Variants in CHCHD3 observed in about 807,000 individuals in gnomAD.
The protein encoded by CHCHD3 is coiled-coil-helix-coiled-coil-helix domain containing 3.
CHCHD3 carries 20 observed loss-of-function variants against 38.2 expected under a neutral mutation model. The ratio of observed to expected loss-of-function variants is 0.52; its 90% CI spans 0.37 to 0.76. CHCHD3 has a LOEUF of 0.76. Ranked by LOEUF, CHCHD3 falls within the 30% of genes least tolerant of loss-of-function variation. The pLI is 0.00. For missense variants in CHCHD3, 245 were observed against 279.2 expected, an observed-to-expected ratio of 0.88 and a Z score of 0.87; for synonymous variants, 82 against 100.0, an observed-to-expected ratio of 0.82 and a Z score of 1.07.
intron 3 of CHCHD3, among the ~76,000 whole-genome samples, chr7:132,992,495 C>T (rs576558191): frequency 6.6e-6 from 1 of 152,320 alleles, no homozygotes; most frequent in Admixed American, 6.5e-5. Flanking sequence ...ATCTGAGATA[C>T]TGTGGAGCTG....
At chr7:132,945,994 T>C (rs941257566) in intron 4 of CHCHD3, among the ~76,000 whole-genome samples, 10 of 151,912 alleles carry the variant, frequency 6.6e-5, no homozygotes, top group Non-Finnish European at 1.2e-4. Context: ...ACTATCTGTA[T>C]GCACACTGTC....
chr7:132,971,434 C>A (rs1418747378), intron 4 of CHCHD3, among the ~76,000 whole-genome samples: 1 of 152,140 alleles, frequency 6.6e-6, no homozygotes, highest in African/African-American at 2.4e-5. Flanking sequence ...CCAGCTAAAG[C>A]AATTCTTCCA....
intron 6 of CHCHD3, 71 bp downstream of exon 6, chr7:132,838,328 C>A: frequency 9.4e-7 from 1 of 1,066,300 alleles, no homozygotes; most frequent in South Asian, 1.4e-5. Flanking sequence ...ATGATCTGTG[C>A]AAAAAGCACT....
chr7:133,070,048 GA>G lies in CHCHD3; in HGVS notation c.169+93del, dbSNP rs1000296356. The G allele has an allele frequency of 5.1e-5, 43 of 842,910 alleles. No individual in the cohort carries two copies. The African/African-American group carries it at 7.1e-4, about 14-fold the overall frequency. The allele number at this position is 842,910 out of a possible 1,614,324, so 52.2% of individuals were successfully genotyped here. A position where few individuals can be genotyped will look rare whatever the true frequency, so the allele number is the denominator to read the frequency against. On this transcript the variant is annotated intron_variant, in intron 2 of 7. Coordinates refer to ENST00000262570, the MANE Select transcript of CHCHD3 (RefSeq NM_017812.4). ...ATTAAAAGCTAAACATCTAAATAAC[GA>G]AAGACAGAATGCTAGAGAACTTGAC...
In CHCHD3 at chr7:132,985,202, G is replaced by A; in HGVS notation, c.252-9916C>T. Among the ~76,000 whole-genome samples the A allele has an allele frequency of 2.4e-5, 2 of 83,222 alleles. 1 individual carries two copies. Among genetic ancestry groups the A allele is most frequent in the South Asian group, 7.9e-4 (2 of 2,536 alleles). 54.6% of individuals were successfully genotyped at this position (83,222 alleles called of 152,430 possible). A position where few individuals can be genotyped will look rare whatever the true frequency, so the allele number is the denominator to read the frequency against. On this transcript the variant is annotated intron_variant, in intron 3 of 7. Coordinates refer to ENST00000262570, the MANE Select transcript of CHCHD3 (RefSeq NM_017812.4). Reference sequence around the variant, plus strand: ...GCCGCCCCGTCCGGAAGGGAGGTGGGGGGGTTAGCCCCCCGCCCGGCCAGC... The same window carrying A: ...GCCGCCCCGTCCGGAAGGGAGGTGGAGGGGTTAGCCCCCCGCCCGGCCAGC...
chr7:132,928,866 T>C (rs1810447708), intron 4 of CHCHD3, among the ~76,000 whole-genome samples: 1 of 152,082 alleles, frequency 6.6e-6, no homozygotes, highest in Admixed American at 6.5e-5. Context: ...TGAAGCAGGG[T>C]TCTCCTTCTC....
At chr7:132,974,230 C>A (rs1334422013) in intron 4 of CHCHD3, among the ~76,000 whole-genome samples, 2 of 152,304 alleles carry the variant, frequency 1.3e-5, no homozygotes, top group East Asian at 3.9e-4. Flanking sequence ...AAAACACACA[C>A]TGGTGTAAAC....
At chr7:132,990,951 TACACAC>T (rs768136991) in intron 3 of CHCHD3, among the ~76,000 whole-genome samples, 35 of 143,790 alleles carry the variant, frequency 2.4e-4, no homozygotes, top group Admixed American at 1.4e-4. Flanking sequence ...CAGACACACA[TACACAC>T]ACACACACAC....
chr7:133,015,661 A>AAGT (rs1317579318), intron 3 of CHCHD3, among the ~76,000 whole-genome samples: 1 of 152,224 alleles, frequency 6.6e-6, no homozygotes, highest in Non-Finnish European at 1.5e-5. Context: ...TCCACACAGA[A>AAGT]AGTAATACTG....
At chr7:132,848,392 G>A (rs4728267) in intron 5 of CHCHD3, among the ~76,000 whole-genome samples, 79,997 of 151,974 alleles carry the variant, frequency 0.53, 21,176 homozygotes, top group South Asian at 0.59. Context: ...AGAGTTAAGC[G>A]CTTGGGGACC....
At chr7:132,881,302 T>A (rs1809050259) in intron 5 of CHCHD3, among the ~76,000 whole-genome samples, 1 of 152,140 alleles carries the variant, frequency 6.6e-6, no homozygotes, top group Non-Finnish European at 1.5e-5. Flanking sequence ...AATTATCTAA[T>A]TAACAAGCAG....
chr7:132,816,606 G>A (rs961557675), intron 6 of CHCHD3, among the ~76,000 whole-genome samples: 1 of 152,120 alleles, frequency 6.6e-6, no homozygotes, highest in Non-Finnish European at 1.5e-5. Context: ...CGAGAGCAGG[G>A]CTTCCCAGGC....
chr7:132,943,429 C>T (rs2117274380), intron 4 of CHCHD3, among the ~76,000 whole-genome samples: 2 of 152,180 alleles, frequency 1.3e-5, no homozygotes, highest in South Asian at 4.1e-4. Flanking sequence ...CTTAATTCTA[C>T]ATGAGAACTT....
chr7:132,787,060 TG>T (rs1806338841), intron 7 of CHCHD3, among the ~76,000 whole-genome samples: 1 of 151,842 alleles, frequency 6.6e-6, no homozygotes, highest in African/African-American at 2.4e-5. Flanking sequence ...GGGGTGGGAC[TG>T]GGAGGAGTGA....
intron 4 of CHCHD3, among the ~76,000 whole-genome samples, chr7:132,924,605 C>A (rs1056859617): frequency 2.0e-5 from 3 of 152,088 alleles, no homozygotes; most frequent in Non-Finnish European, 1.5e-5. Context: ...AGCCTAGCAA[C>A]TATAGAATAT....
chr7:132,952,436 C>CA (rs948222543), intron 4 of CHCHD3, among the ~76,000 whole-genome samples: 22 of 152,204 alleles, frequency 1.4e-4, no homozygotes, highest in East Asian at 1.9e-4. Context: ...GAGGTTGGCA[C>CA]AAAATTCGCA....
intron 5 of CHCHD3, among the ~76,000 whole-genome samples, chr7:132,851,897 G>C (rs1808227741): frequency 2.6e-5 from 4 of 152,038 alleles, no homozygotes; most frequent in Admixed American, 2.6e-4. Context: ...TTTTACCCCT[G>C]GTCTCATATC....
At chr7:132,948,029 A>C (rs531521840) in intron 4 of CHCHD3, among the ~76,000 whole-genome samples, 32 of 152,252 alleles carry the variant, frequency 2.1e-4, no homozygotes, top group African/African-American at 7.2e-4. Context: ...TAAATAAATA[A>C]TATACAAAAC....
At chr7:132,799,137 C>G (rs1806701644) in intron 6 of CHCHD3, among the ~76,000 whole-genome samples, 2 of 151,852 alleles carry the variant, frequency 1.3e-5, no homozygotes, top group Admixed American at 1.3e-4. Context: ...GAATGGAAAT[C>G]AGCATAATTG....
Sources: allele counts gnomAD v4.1 joint callset (sites outside exome capture counted in the v4.1 genomes callset), GRCh38; gene constraint gnomAD v4.1.1; transcripts MANE v1.5; gene names NCBI Gene and HGNC (gene_info 2026-07-23, HGNC 2026-07-21).